SNX10: variants seen among roughly 807,000 people sequenced by gnomAD.
SNX10 encodes sorting nexin-10.
A neutral mutation model predicts 28.5 loss-of-function variants in SNX10; 25 were observed. The ratio of observed to expected loss-of-function variants is 0.88; its 90% CI spans 0.64 to 1.22. SNX10 has a LOEUF of 1.22. Ranked by LOEUF, SNX10 falls within the 50% of genes most tolerant of loss-of-function variation. The pLI is 0.00. For synonymous variants in SNX10, 62 were observed against 81.4 expected (o/e 0.76, Z 1.28); for missense variants, 223 against 242.6 (o/e 0.92, Z 0.54).
intron 1 of SNX10, among the ~76,000 whole-genome samples, chr7:26,315,573 C>T (rs188122527): frequency 6.6e-6 from 1 of 151,530 alleles, no homozygotes; most frequent in Non-Finnish European, 1.5e-5. Flanking sequence ...GAGGCTGAGG[C>T]AGGAGAATGG....
chr7:26,342,034 T>C (rs1788201375), intron 1 of SNX10, among the ~76,000 whole-genome samples: 1 of 141,524 alleles, frequency 7.1e-6, no homozygotes, highest in Admixed American at 7.0e-5. Context: ...CTTTCTTTTT[T>C]TTTTTTTTTT....
chr7:26,336,499 T>C (rs1189511010), intron 1 of SNX10, among the ~76,000 whole-genome samples: 1 of 151,210 alleles, frequency 6.6e-6, no homozygotes, highest in African/African-American at 2.4e-5. Flanking sequence ...AGGTCAGGAG[T>C]TCAAGACCAG....
At chr7:26,331,731 G>T (rs1360879549) in intron 1 of SNX10, among the ~76,000 whole-genome samples, 1 of 152,096 alleles carries the variant, frequency 6.6e-6, no homozygotes, top group African/African-American at 2.4e-5. Flanking sequence ...GTACCTTTTG[G>T]CTGTCTCTCC....
At chr7:26,299,412 T>TCTC in intron 1 of SNX10, among the ~76,000 whole-genome samples, 1 of 152,116 alleles carries the variant, frequency 6.6e-6, no homozygotes, top group African/African-American at 2.4e-5. Flanking sequence ...GTCAGGCTGG[T>TCTC]GGACCTTGTG....
chr7:26,316,084 C>T (rs1488847131), intron 1 of SNX10, among the ~76,000 whole-genome samples: 5 of 149,940 alleles, frequency 3.3e-5, no homozygotes, highest in Non-Finnish European at 4.4e-5. Context: ...CTTGAGAGGC[C>T]GAGGCAGGAG....
At chr7:26,365,467 C>G (rs1789249278) in intron 5 of SNX10, among the ~76,000 whole-genome samples, 1 of 152,230 alleles carries the variant, frequency 6.6e-6, no homozygotes, top group Non-Finnish European at 1.5e-5. Flanking sequence ...ACAAATATGC[C>G]TAATCATCAA....
intron 1 of SNX10, among the ~76,000 whole-genome samples, chr7:26,299,748 C>T (rs1454901438): frequency 6.6e-6 from 1 of 151,656 alleles, no homozygotes; most frequent in Non-Finnish European, 1.5e-5. Flanking sequence ...TTTCCCCAAA[C>T]TTTGAAATAA....
chr7:26,318,634 G>A (rs1197626494), intron 1 of SNX10, among the ~76,000 whole-genome samples: 3 of 152,002 alleles, frequency 2.0e-5, no homozygotes, highest in African/African-American at 7.2e-5. Flanking sequence ...AAAATGCTTC[G>A]CTAATTTTTG....
intron 1 of SNX10, among the ~76,000 whole-genome samples, chr7:26,302,576 T>G (rs1043050878): frequency 2.6e-5 from 4 of 152,164 alleles, no homozygotes; most frequent in Admixed American, 6.5e-5. Flanking sequence ...GACCCTCGGG[T>G]AATACCTTAC....
In SNX10 at chr7:26,327,274, C is replaced by T. The variant is rs142514659; in HGVS notation, c.-23-19146C>T. Among the ~76,000 whole-genome samples, 140 of 152,244 alleles carry T rather than the reference C, an allele frequency of 9.2e-4. No homozygotes were observed. In the Middle Eastern group the frequency reaches 0.017, roughly 18 times the overall value. On this transcript the variant is annotated intron_variant, in intron 1 of 6. Transcript: ENST00000338523. ...GTCTTGTTAATTATCTTTTGAAGTG[C>T]AGCCCTTCCAGTAAGCATATGTCCA...
intron 6 of SNX10, 48 bp downstream of exon 6, chr7:26,372,081 T>C: frequency 8.0e-7 from 1 of 1,249,740 alleles, no homozygotes; most frequent in Non-Finnish European, 1.1e-6. Context: ...ATATAATACA[T>C]AGTATGCACA....
chr7:26,368,621 T>C (rs1316671898), intron 5 of SNX10, among the ~76,000 whole-genome samples: 2 of 152,200 alleles, frequency 1.3e-5, no homozygotes, highest in African/African-American at 2.4e-5. Context: ...TTTAGTATCA[T>C]GGTTTTGTAT....
chr7:26,367,989 A>G (rs1490001471), intron 5 of SNX10, among the ~76,000 whole-genome samples: 2 of 152,242 alleles, frequency 1.3e-5, no homozygotes, highest in African/African-American at 2.4e-5. Context: ...ATATGTGTAT[A>G]TATACCTATT....
intron 1 of SNX10, among the ~76,000 whole-genome samples, chr7:26,313,202 C>T (rs1028064234): frequency 1.3e-5 from 2 of 152,180 alleles, no homozygotes; most frequent in African/African-American, 4.8e-5. Context: ...CAGATACCTG[C>T]CCCCACTTTT....
intron 1 of SNX10, among the ~76,000 whole-genome samples, chr7:26,305,338 C>G: frequency 6.6e-6 from 1 of 152,178 alleles, no homozygotes; most frequent in Non-Finnish European, 1.5e-5. Flanking sequence ...TGTAGGGAAC[C>G]AACACTCCTT....
chr7:26,346,581 C>T, intron 2 of SNX10, 115 bp downstream of exon 2: 1 of 797,530 alleles, frequency 1.3e-6, no homozygotes, highest in Non-Finnish European at 2.3e-6. Context: ...CATGAAAGAC[C>T]AAAGGCCCAC....
At chr7:26,342,324 G>T (rs1788216468) in intron 1 of SNX10, among the ~76,000 whole-genome samples, 1 of 151,972 alleles carries the variant, frequency 6.6e-6, no homozygotes, top group African/African-American at 2.4e-5. Context: ...ACTGCGCCTG[G>T]CCTCAGGGAG....
At chr7:26,354,676 C>T (rs1788745181) in intron 2 of SNX10, among the ~76,000 whole-genome samples, 3 of 136,262 alleles carry the variant, frequency 2.2e-5, no homozygotes, top group South Asian at 2.7e-4. Flanking sequence ...CCACCTCACC[C>T]GTCTGATAGT....
At chr7:26,359,047 C>G (rs1788960386) in intron 2 of SNX10, among the ~76,000 whole-genome samples, 1 of 151,898 alleles carries the variant, frequency 6.6e-6, no homozygotes, top group South Asian at 2.1e-4. Flanking sequence ...CTCTGGTGAT[C>G]CACCCGCCTC....
Sources: gnomAD v4.1 joint callset for allele counts (sites outside exome capture counted in the v4.1 genomes callset) on GRCh38, gnomAD v4.1.1 for gene constraint, MANE v1.5 for transcripts, NCBI Gene and HGNC (gene_info 2026-07-23, HGNC 2026-07-21) for gene names.